HS3ST4: variants seen among roughly 807,000 people sequenced by gnomAD.
HS3ST4 encodes heparan sulfate glucosamine 3-O-sulfotransferase 4.
HS3ST4 carries 17 observed loss-of-function variants against 29.2 expected under a neutral mutation model. The observed-to-expected ratio is 0.58, with a 90% CI of 0.40 to 0.87. The LOEUF (loss-of-function observed/expected upper bound fraction) is 0.87. HS3ST4 is among the 40% of genes least tolerant of loss of function. HS3ST4 has a pLI of 0.00. For missense variants in HS3ST4, 627 were observed against 634.5 expected (o/e 0.99, Z 0.13); for synonymous variants, 314 against 285.7 (o/e 1.10, Z -1.00).
chr16:25,901,893 T>C (rs1050134985), intron 1 of HS3ST4, among the ~76,000 whole-genome samples: 4 of 152,096 alleles, frequency 2.6e-5, no homozygotes, highest in African/African-American at 9.7e-5. Flanking sequence ...TTTTGGAAAA[T>C]GGAGAAAAAA....
At chr16:25,814,342 T>G (rs1009257950) in intron 1 of HS3ST4, among the ~76,000 whole-genome samples, 3 of 150,438 alleles carry the variant, frequency 2.0e-5, no homozygotes, top group Admixed American at 6.6e-5. Flanking sequence ...TTTTGTTTTG[T>G]TTTTTTTTGG....
intron 1 of HS3ST4, among the ~76,000 whole-genome samples, chr16:25,984,977 A>AGGCTTGGT (rs1969048029): frequency 6.6e-6 from 1 of 152,214 alleles, no homozygotes; most frequent in Non-Finnish European, 1.5e-5. Flanking sequence ...TCTGAGCCTC[A>AGGCTTGGT]GGCTTGGTGG....
intron 1 of HS3ST4, among the ~76,000 whole-genome samples, chr16:26,043,295 A>T (rs1969651684): frequency 6.6e-6 from 1 of 152,192 alleles, no homozygotes; most frequent in Non-Finnish European, 1.5e-5. Context: ...TCAAATAAAA[A>T]ATTAGGTAGA....
chr16:25,738,021 C>T (rs1320475800), intron 1 of HS3ST4, among the ~76,000 whole-genome samples: 2 of 151,918 alleles, frequency 1.3e-5, no homozygotes, highest in African/African-American at 4.8e-5. Flanking sequence ...TCTCCTGCCT[C>T]AGCCTCCCAA....
rs115323488 is a variant in HS3ST4, at chr16:26,058,331, G to A, written c.735-77281G>A. Among the ~76,000 whole-genome samples, 639 of 152,288 alleles carry A rather than the reference G, an allele frequency of 4.2e-3. 7 individuals carry two copies. The highest frequency in any genetic ancestry group is 0.015 in the African/African-American group (621 of 41,568). ...TTGTCAAAAGAAGAAAAAGAAATCA[G>A]GTCCCAAAGTGATGGTAATATTTTT... On this transcript the variant is annotated intron_variant, in intron 1 of 1. Transcript: ENST00000331351.
chr16:25,752,415 T>C (rs1567232893), intron 1 of HS3ST4, among the ~76,000 whole-genome samples: 1 of 152,048 alleles, frequency 6.6e-6, no homozygotes, highest in Admixed American at 6.6e-5. Flanking sequence ...TGAGGGAAAA[T>C]TTTAGTAATT....
At chr16:25,913,640 G>T (rs543798790) in intron 1 of HS3ST4, among the ~76,000 whole-genome samples, 36 of 152,212 alleles carry the variant, frequency 2.4e-4, no homozygotes, top group Non-Finnish European at 4.3e-4. Context: ...ATAGTGTTTT[G>T]CAGGGTAGAG....
chr16:26,099,292 C>T lies in HS3ST4; in HGVS notation c.735-36320C>T, dbSNP rs187209503. 3.4e-3 allele frequency among the ~76,000 whole-genome samples: 511 copies of T among 152,282 alleles called. 9 individuals carry two copies. The highest frequency in any genetic ancestry group is 0.018 in the Admixed American group (279 of 15,290). On this transcript the variant is annotated intron_variant, in intron 1 of 1. Transcript: ENST00000331351. The stretch of plus-strand genomic sequence containing the variant: ...GCTTCAGCCCCCTGAATGGCTGAGA[C>T]TACAGGTGGATGTCACCATACTGGA...
intron 1 of HS3ST4, among the ~76,000 whole-genome samples, chr16:26,031,353 C>A (rs1969529204): frequency 6.6e-6 from 1 of 152,192 alleles, no homozygotes; most frequent in Non-Finnish European, 1.5e-5. Flanking sequence ...TCCCAGCTCA[C>A]CCTCCTGTGG....
chr16:26,023,440 C>T (rs910500257), intron 1 of HS3ST4, among the ~76,000 whole-genome samples: 71 of 152,076 alleles, frequency 4.7e-4, no homozygotes, highest in African/African-American at 1.7e-3. Context: ...CACTCTGTCA[C>T]CCAGGCTAGA....
At chr16:26,073,628 C>T (rs1198466105) in intron 1 of HS3ST4, among the ~76,000 whole-genome samples, 3 of 152,220 alleles carry the variant, frequency 2.0e-5, no homozygotes, top group Non-Finnish European at 4.4e-5. Flanking sequence ...CCTCCTCGGC[C>T]TCCCAAAGTG....
intron 1 of HS3ST4, among the ~76,000 whole-genome samples, chr16:26,000,512 T>C (rs1969203262): frequency 6.6e-6 from 1 of 152,182 alleles, no homozygotes; most frequent in Admixed American, 6.6e-5. Context: ...AGGACTTGTA[T>C]TGGCCAGCCC....
At chr16:26,015,670 G>T (rs776709296) in intron 1 of HS3ST4, among the ~76,000 whole-genome samples, 1 of 152,136 alleles carries the variant, frequency 6.6e-6, no homozygotes, top group Non-Finnish European at 1.5e-5. Context: ...ACCTTGAACC[G>T]TCTTGTTAAG....
intron 1 of HS3ST4, among the ~76,000 whole-genome samples, chr16:25,720,754 A>G (rs992035260): frequency 6.6e-6 from 1 of 152,216 alleles, no homozygotes; most frequent in Non-Finnish European, 1.5e-5. Flanking sequence ...TGGATGAATT[A>G]TAGATTTATG....
In HS3ST4 at chr16:26,136,227, A is replaced by G. The variant is rs1217045061; in HGVS notation, c.1350A>G (p.Glu450=). Residue 450 remains glutamate (E), a synonymous_variant, in exon 2 of 2, where the codon GAA becomes GAG. Coordinates refer to ENST00000331351, the MANE Select transcript of HS3ST4 (RefSeq NM_006040.3). ...YQMTGQDFQW[E]QEEGDK is the part of the protein sequence containing the mutation. ...TGACTGGTCAAGATTTTCAGTGGGA[A>G]CAGGAAGAGGGTGATAAATGAGGCT... The G allele has an allele frequency of 6.2e-7, 1 of 1,612,882 alleles. No individual in the cohort carries two copies. The highest frequency in any genetic ancestry group is 1.3e-5 in the African/African-American group (1 of 74,936).
chr16:25,903,290 G>A (rs1968137201), intron 1 of HS3ST4, among the ~76,000 whole-genome samples: 5 of 23,956 alleles, frequency 2.1e-4, no homozygotes, highest in Non-Finnish European at 4.5e-4. Context: ...GTGTGTGTGT[G>A]TGTGTGTGTG....
intron 1 of HS3ST4, among the ~76,000 whole-genome samples, chr16:25,815,137 A>G (rs1229532012): frequency 1.3e-5 from 2 of 152,204 alleles, no homozygotes; most frequent in Non-Finnish European, 2.9e-5. Context: ...GGAATAGGAA[A>G]TGGCAAACAA....
intron 1 of HS3ST4, among the ~76,000 whole-genome samples, chr16:25,766,217 C>T (rs767845854): frequency 3.3e-5 from 5 of 151,952 alleles, no homozygotes; most frequent in Non-Finnish European, 7.4e-5. Flanking sequence ...ACAAGGCCCA[C>T]CTCCCAGGGT....
chr16:25,744,870 C>T (rs1025499554), intron 1 of HS3ST4, among the ~76,000 whole-genome samples: 5 of 152,202 alleles, frequency 3.3e-5, no homozygotes, highest in Non-Finnish European at 5.9e-5. Flanking sequence ...CCTTGCCTTC[C>T]ACCATGATTG....
Sources: gnomAD v4.1 joint callset for allele counts (sites outside exome capture counted in the v4.1 genomes callset) on GRCh38, gnomAD v4.1.1 for gene constraint, MANE v1.5 for transcripts, NCBI Gene and HGNC (gene_info 2026-07-23, HGNC 2026-07-21) for gene names.